Variants in RIOX2 observed in about 807,000 individuals in gnomAD.
The protein encoded by RIOX2 is ribosomal oxygenase 2.
In RIOX2, 43 loss-of-function variants were observed where a neutral mutation model predicts 51.2. The ratio of observed to expected loss-of-function variants is 0.84; its 90% CI spans 0.66 to 1.08. The LOEUF (loss-of-function observed/expected upper bound fraction) is 1.08, where lower values mean the gene tolerates loss of function less well. Ranked by LOEUF, RIOX2 falls within the 50% of genes least tolerant of loss-of-function variation. The pLI is 0.00. For missense variants in RIOX2, 566 were observed against 561.7 expected (o/e 1.01, Z -0.08); for synonymous variants, 226 against 218.5 (o/e 1.03, Z -0.30).
chr3:97,954,280 G>A, intron 5 of RIOX2, 112 bp downstream of exon 5: 2 of 724,300 alleles, frequency 2.8e-6, no homozygotes, highest in East Asian at 2.7e-5. Context: ...CATAAACCCT[G>A]GGGTTTGCAT....
chr3:97,964,150 T>G (rs1705787052), intron 2 of RIOX2, among the ~76,000 whole-genome samples: 1 of 152,172 alleles, frequency 6.6e-6, no homozygotes, highest in Non-Finnish European at 1.5e-5. Context: ...CTCTCCCGGC[T>G]GGCTGTGACC....
intron 5 of RIOX2, among the ~76,000 whole-genome samples, chr3:97,951,350 A>T (rs1200122201): frequency 6.6e-6 from 1 of 152,202 alleles, no homozygotes. Context: ...TAATTATTTG[A>T]ACAGTTGTAT....
chr3:97,955,190 G>A (rs1457459397), intron 4 of RIOX2, among the ~76,000 whole-genome samples: 2 of 152,144 alleles, frequency 1.3e-5, no homozygotes, highest in African/African-American at 4.8e-5. Flanking sequence ...CAGGCTCAAT[G>A]AATGTTGGGA....
chr3:97,960,564 C>T (rs533236190), intron 3 of RIOX2, among the ~76,000 whole-genome samples: 2 of 152,160 alleles, frequency 1.3e-5, no homozygotes, highest in Non-Finnish European at 2.9e-5. Context: ...CACTAACCCC[C>T]ACACTGCACA....
chr3:97,962,774 G>A lies in RIOX2; in HGVS notation c.433-1066C>T, dbSNP rs1335830719. Among the ~76,000 whole-genome samples, 5 of 152,144 alleles carry A rather than the reference G, an allele frequency of 3.3e-5. No individual in the cohort carries two copies. In the East Asian group the frequency reaches 7.7e-4, roughly 23 times the overall value. The stretch of plus-strand genomic sequence containing the variant: ...TCACAATAACCCTGCCTCATAAAGA[G>A]GGTACTAACATTATCTTCAGTTTAC... On this transcript the variant is annotated intron_variant, in intron 2 of 9. Transcript: ENST00000394198.
At chr3:97,961,485 T>C (rs1376672627) in intron 3 of RIOX2, 104 bp downstream of exon 3, 1 of 1,296,268 alleles carries the variant, frequency 7.7e-7, no homozygotes, top group Non-Finnish European at 1.0e-6. Context: ...AATACAGACC[T>C]AAGAGCCTTA....
intron 4 of RIOX2, among the ~76,000 whole-genome samples, chr3:97,954,719 G>T (rs1705391896): frequency 6.6e-6 from 1 of 152,058 alleles, no homozygotes; most frequent in Admixed American, 6.5e-5. Context: ...GAGGCTCTCG[G>T]TGCCTGAAGT....
intron 7 of RIOX2, among the ~76,000 whole-genome samples, chr3:97,949,459 A>G (rs1705154744): frequency 6.6e-6 from 1 of 152,200 alleles, no homozygotes; most frequent in Admixed American, 6.5e-5. Flanking sequence ...AGCCTCAGGT[A>G]TTCCTTTAAG....
At chr3:97,961,850 G>A in intron 2 of RIOX2, 142 bp from the exon 3 acceptor site, 1 of 906,772 alleles carries the variant, frequency 1.1e-6, no homozygotes, top group Non-Finnish European at 1.6e-6. Context: ...ATTATGCAAT[G>A]ATACAGCCAA....
Position 97,967,188 on chromosome 3 carries a change from G to T in RIOX2, c.406C>A (p.Gln136Lys), listed in dbSNP as rs143860415. 8.9e-5 allele frequency: 143 copies of T among 1,613,908 alleles called. No individual in the cohort carries two copies. Among genetic ancestry groups the T allele is most frequent in the Non-Finnish European group, 1.2e-4 (139 of 1,179,944 alleles). ...TTAAATCTCTGAGGTTGGTGAAACTGAATCGTTGCCCTTTTCTGATCAAAA... is the reference window on the plus strand; with the variant it reads ...TTAAATCTCTGAGGTTGGTGAAACTTAATCGTTGCCCTTTTCTGATCAAAA... ...KDFDQKRATIQFHQPQRFKDE... is the reference protein window; with the variant it reads ...KDFDQKRATIKFHQPQRFKDE... Residue 136 changes from glutamine (Q) to lysine (K), a missense_variant, in exon 2 of 10, where the codon CAG becomes AAG. By Grantham distance (53) the Gln-to-Lys change is moderately conservative. Coordinates refer to ENST00000394198, the MANE Select transcript of RIOX2 (RefSeq NM_153182.4).
chr3:97,945,365 C>A lies in RIOX2; in HGVS notation c.1240-23G>T. 3 of 1,597,676 alleles carry A rather than the reference C, an allele frequency of 1.9e-6. No individual in the cohort carries two copies. The South Asian group carries it at 3.4e-5, about 18-fold the overall frequency. ...AAACTGAAAGGATAAATTTATTTGT[C>A]AAAATATATGTATACTACTTATGTC... On this transcript the variant is annotated intron_variant, in intron 9 of 9. Transcript: ENST00000394198.
intron 1 of RIOX2, among the ~76,000 whole-genome samples, chr3:97,968,788 C>T (rs1049180213): frequency 6.6e-6 from 1 of 152,224 alleles, no homozygotes; most frequent in African/African-American, 2.4e-5. Context: ...TCCCTATCTC[C>T]TGACAAGGTT....
chr3:97,957,625 C>T (rs1410549433), intron 4 of RIOX2, among the ~76,000 whole-genome samples: 1 of 152,004 alleles, frequency 6.6e-6, no homozygotes, highest in Non-Finnish European at 1.5e-5. Context: ...GTTTAATGGG[C>T]ATGGGCATGG....
intron 1 of RIOX2, among the ~76,000 whole-genome samples, 162 bp from the exon 2 acceptor site, chr3:97,967,794 T>A (rs1297231817): frequency 6.6e-6 from 1 of 152,170 alleles, no homozygotes; most frequent in African/African-American, 2.4e-5. Context: ...CTTAAGCCAA[T>A]GCCATTTCTT....
chr3:97,960,181 C>A (rs1349598216), intron 3 of RIOX2, among the ~76,000 whole-genome samples: 1 of 152,100 alleles, frequency 6.6e-6, no homozygotes. Context: ...TGCAAGTACT[C>A]CCGAGAAACA....
In RIOX2 at chr3:97,944,448, A is replaced by G. The variant is rs1166333535; in HGVS notation, c.*736T>C. 6.6e-6 allele frequency: 1 copy of G among 152,322 alleles called. No homozygotes were observed. The highest frequency in any genetic ancestry group is 2.4e-5 in the African/African-American group (1 of 41,398). The allele number at this position is 152,322 out of a possible 1,614,324, so 9.4% of individuals were successfully genotyped here. A position where few individuals can be genotyped will look rare whatever the true frequency, so the allele number is the denominator to read the frequency against. Reference sequence around the variant, plus strand: ...TTGCCAGAAAGCAGAAAAATGCTCTATTTTTATAAAGAAAGATTAAATTCT... The same window carrying G: ...TTGCCAGAAAGCAGAAAAATGCTCTGTTTTTATAAAGAAAGATTAAATTCT... On this transcript the variant is annotated 3_prime_UTR_variant, in exon 10 of 10. Coordinates refer to ENST00000394198, the MANE Select transcript of RIOX2 (RefSeq NM_153182.4).
At chr3:97,954,165 T>C (rs1705368707) in intron 5 of RIOX2, 3 of 488,370 alleles carry the variant, frequency 6.1e-6, no homozygotes, top group South Asian at 6.1e-5. Context: ...ATTTGGGCAA[T>C]GCCCCACATC....
chr3:97,943,001 A>G lies in RIOX2; in HGVS notation c.*2183T>C, dbSNP rs1169202852. The G allele has an allele frequency of 6.2e-6, 3 of 487,112 alleles. No homozygotes were observed. Among genetic ancestry groups the G allele is most frequent in the East Asian group, 7.6e-5 (2 of 26,160 alleles). 30.2% of individuals were successfully genotyped at this position (487,112 alleles called of 1,614,324 possible). A position where few individuals can be genotyped will look rare whatever the true frequency, so the allele number is the denominator to read the frequency against. On this transcript the variant is annotated 3_prime_UTR_variant, in exon 10 of 10. Transcript: ENST00000394198. Reference sequence around the variant, plus strand: ...CACATTAAGGCACGCCACTTATACAATCATGTATTATACCTTTTAGTATTT... The same window carrying G: ...CACATTAAGGCACGCCACTTATACAGTCATGTATTATACCTTTTAGTATTT...
chr3:97,971,065 G>A (rs1487619422), intron 1 of RIOX2, among the ~76,000 whole-genome samples: 2 of 152,132 alleles, frequency 1.3e-5, no homozygotes, highest in Non-Finnish European at 2.9e-5. Context: ...AAACAGTTAC[G>A]GAAAAAACAG....
Sources: allele counts gnomAD v4.1 joint callset (sites outside exome capture counted in the v4.1 genomes callset), GRCh38; gene constraint gnomAD v4.1.1; transcripts MANE v1.5; gene names NCBI Gene and HGNC (gene_info 2026-07-23, HGNC 2026-07-21).